The following PDE8B variants were observed in gnomAD, a reference collection of about 807,000 sequenced individuals.
The protein encoded by PDE8B is high affinity cAMP-specific and IBMX-insensitive 3',5'-cyclic phosphodiesterase 8B.
Under a neutral mutation model 101.3 loss-of-function variants are expected in PDE8B, and 26 were observed. The observed-to-expected ratio is 0.26, with a 90% CI of 0.19 to 0.36. PDE8B has a LOEUF of 0.36. Among genes scored for constraint, PDE8B ranks in the 10% least tolerant of loss-of-function variants. The pLI, the probability that PDE8B is intolerant of heterozygous loss-of-function variation, is 1.00. For synonymous variants in PDE8B, 424 were observed against 429.3 expected, an observed-to-expected ratio of 0.99 and a Z score of 0.15; for missense variants, 810 against 1,163.1, an observed-to-expected ratio of 0.70 and a Z score of 4.42.
chr5:77,230,057 G>T (rs1021366396), intron 1 of PDE8B, among the ~76,000 whole-genome samples: 3 of 152,200 alleles, frequency 2.0e-5, no homozygotes, highest in Non-Finnish European at 4.4e-5. Context: ...CCGCCAGCAT[G>T]TATGAGGGTC....
At chr5:77,153,572 CTTTT>C in the PDE8B span, among the ~76,000 whole-genome samples, 3 of 131,468 alleles carry the variant, frequency 2.3e-5, no homozygotes, top group African/African-American at 2.9e-5. Flanking sequence ...CAGCTTTACT[CTTTT>C]TTTTTTTTTT....
chr5:77,305,940 T>C (rs995588752), intron 1 of PDE8B, among the ~76,000 whole-genome samples: 7 of 152,182 alleles, frequency 4.6e-5, no homozygotes, highest in Non-Finnish European at 1.0e-4. Context: ...CACTCAGTAC[T>C]GTAGATGGTG....
At chr5:77,135,123 A>G in the PDE8B span, among the ~76,000 whole-genome samples, 9 of 152,358 alleles carry the variant, frequency 5.9e-5, no homozygotes, top group African/African-American at 1.9e-4. Context: ...CCTTTGCCTC[A>G]GACACTAACA....
intron 1 of PDE8B, among the ~76,000 whole-genome samples, chr5:77,271,251 C>A (rs1307049138): frequency 6.6e-6 from 1 of 152,098 alleles, no homozygotes; most frequent in Non-Finnish European, 1.5e-5. Context: ...TCCTTTAAAA[C>A]CTCCATTTGA....
chr5:77,420,521 G>A (rs1192559624), intron 19 of PDE8B, among the ~76,000 whole-genome samples: 1 of 152,002 alleles, frequency 6.6e-6, no homozygotes, highest in Non-Finnish European at 1.5e-5. Context: ...AAAGCTTTCC[G>A]CTCATTCCTG....
chr5:77,204,427 G>A, the PDE8B span, among the ~76,000 whole-genome samples: 3 of 144,780 alleles, frequency 2.1e-5, no homozygotes, highest in African/African-American at 7.9e-5. Flanking sequence ...AAAAAAAAAA[G>A]TATTCATGTT....
At chr5:77,128,477 C>T in the PDE8B span, among the ~76,000 whole-genome samples, 1 of 152,184 alleles carries the variant, frequency 6.6e-6, no homozygotes, top group African/African-American at 2.4e-5. Flanking sequence ...ATGGGTTGTG[C>T]ATGCATGACT....
At chr5:77,337,965 G>T (rs1222635647) in intron 6 of PDE8B, among the ~76,000 whole-genome samples, 1 of 152,174 alleles carries the variant, frequency 6.6e-6, no homozygotes, top group African/African-American at 2.4e-5. Flanking sequence ...GCTCCTGCCT[G>T]GTTTTGCTCA....
the PDE8B span, among the ~76,000 whole-genome samples, chr5:77,178,842 T>C: frequency 6.6e-6 from 1 of 152,220 alleles, no homozygotes; most frequent in Non-Finnish European, 1.5e-5. Flanking sequence ...TTTCAGTTTG[T>C]TGGACCGAGG....
chr5:77,325,750 T>C (rs770913512), intron 3 of PDE8B, 21 bp downstream of exon 3: 3 of 1,512,334 alleles, frequency 2.0e-6, no homozygotes, highest in Admixed American at 1.7e-5. Context: ...TAATTTAATA[T>C]GCTTAGTAAA....
Position 77,351,167 on chromosome 5 carries a change from G to A in PDE8B, c.1106+14G>A. ...TGGCCAAGGAGGGTGAGAGCAAACT[G>A]TTCAACTCTTTTAGCTGAAGATAAA... is the stretch of plus-strand genomic sequence containing the variant. On this transcript the variant is annotated intron_variant, in intron 9 of 21. Transcript: ENST00000264917. 2 of 1,586,888 alleles carry A rather than the reference G, an allele frequency of 1.3e-6. No individual in the cohort carries two copies. The highest frequency in any genetic ancestry group is 1.7e-5 in the Admixed American group (1 of 59,996).
In PDE8B at chr5:77,413,130, T is replaced by G. The variant is rs1794879749; in HGVS notation, c.1732T>G (p.Leu578Val). 1 of 1,613,980 alleles carries G rather than the reference T, an allele frequency of 6.2e-7. No individual in the cohort carries two copies. The highest frequency in any genetic ancestry group is 8.5e-7 in the Non-Finnish European group (1 of 1,179,946). ...TTTCAGGCCATTGGTTTATCTGGGC[T>G]TAAAGGTCTTCTCTCGGTTTGGAGT... Reference protein sequence around the residue: ...THKRPLVYLGLKVFSRFGVCE... With the variant: ...THKRPLVYLGVKVFSRFGVCE... Residue 578 changes from leucine to valine, a missense_variant, in exon 17 of 22, where the codon TTA becomes GTA. This residue lies in a region of PDE8B where 325 missense variants were observed against 560.9 expected (regional missense o/e 0.58). Coordinates refer to ENST00000264917, the MANE Select transcript of PDE8B (RefSeq NM_003719.5).
At chr5:77,195,754 GTTA>G in the PDE8B span, among the ~76,000 whole-genome samples, 3 of 152,114 alleles carry the variant, frequency 2.0e-5, no homozygotes, top group African/African-American at 4.8e-5. Flanking sequence ...AAAAGAAGAT[GTTA>G]TTAAGAAAAT....
At chr5:77,262,183 T>C (rs1760743386) in intron 1 of PDE8B, among the ~76,000 whole-genome samples, 1 of 149,602 alleles carries the variant, frequency 6.7e-6, no homozygotes, top group Non-Finnish European at 1.5e-5. Context: ...CACTAGTGAG[T>C]GTGCCTGGTA....
the PDE8B span, chr5:77,142,026 G>A: frequency 1.3e-5 from 2 of 152,024 alleles, no homozygotes; most frequent in African/African-American, 4.8e-5. Flanking sequence ...AATAAAATGT[G>A]CATGTCATTG....
At position 77,425,724 on chromosome 5, in the gene PDE8B, T is replaced by C. The variant is rs1171386827; in HGVS notation, c.2419-43T>C. On this transcript the variant is annotated intron_variant, in intron 20 of 21. Transcript: ENST00000264917. ...GAAACAGGATATTACTGTGAAAGTG[T>C]CTCGCATGTCCTCCAGCCCTATGTG... 2.5e-6 allele frequency: 4 copies of C among 1,603,472 alleles called. No homozygotes were observed. In the South Asian group the frequency reaches 4.4e-5, roughly 18 times the overall value.
chr5:77,219,569 G>A (rs966833470), intron 1 of PDE8B, among the ~76,000 whole-genome samples: 1 of 152,152 alleles, frequency 6.6e-6, no homozygotes, highest in Non-Finnish European at 1.5e-5. Flanking sequence ...GTCCACTCCA[G>A]GGTTCCTGCT....
At chr5:77,387,204 G>A (rs1788884809) in intron 10 of PDE8B, among the ~76,000 whole-genome samples, 1 of 152,008 alleles carries the variant, frequency 6.6e-6, no homozygotes, top group Admixed American at 6.6e-5. Flanking sequence ...GGCTGGTACT[G>A]GTTTTTCCTT....
At chr5:77,385,795 GTTT>G (rs35717428) in intron 10 of PDE8B, among the ~76,000 whole-genome samples, 5 of 107,990 alleles carry the variant, frequency 4.6e-5, no homozygotes, top group Non-Finnish European at 8.8e-5. Flanking sequence ...AGTGAGTGAG[GTTT>G]TTTTTTTTTT....
Sources: gnomAD v4.1 joint callset for allele counts (sites outside exome capture counted in the v4.1 genomes callset) on GRCh38, gnomAD v4.1.1 for gene constraint, gnomAD v4.1.1 regional missense constraint, MANE v1.5 for transcripts, NCBI Gene and HGNC (gene_info 2026-07-23, HGNC 2026-07-21) for gene names.